Variants in ARHGEF18 observed in about 807,000 individuals in gnomAD.
The protein encoded by ARHGEF18 is Rho/Rac guanine nucleotide exchange factor 18.
ARHGEF18 carries 93 observed loss-of-function variants against 155.7 expected under a neutral mutation model. That is an observed-to-expected ratio of 0.60 (90% confidence interval 0.50 to 0.71). The LOEUF (loss-of-function observed/expected upper bound fraction) is 0.71. Ranked by LOEUF, ARHGEF18 falls within the 30% of genes least tolerant of loss-of-function variation. The pLI, the probability that ARHGEF18 is intolerant of heterozygous loss-of-function variation, is 0.00. For synonymous variants in ARHGEF18, 742 were observed against 753.1 expected (o/e 0.99, Z 0.24); for missense variants, 1,593 against 1,816.1 (o/e 0.88, Z 2.23).
intron 2 of ARHGEF18, among the ~76,000 whole-genome samples, chr19:7,366,664 C>T (rs1969899341): frequency 6.6e-6 from 1 of 152,228 alleles, no homozygotes; most frequent in South Asian, 2.1e-4. Flanking sequence ...CTCCAATTAG[C>T]TCCATGAGGA....
chr19:7,444,110 C>A lies in ARHGEF18; in HGVS notation c.1361-94C>A. 1 of 1,507,396 alleles carries A rather than the reference C, an allele frequency of 6.6e-7. No individual in the cohort carries two copies. Among genetic ancestry groups the A allele is most frequent in the Non-Finnish European group, 9.0e-7 (1 of 1,109,006 alleles). The allele number at this position is 1,507,396 out of a possible 1,614,324, so 93.4% of individuals were successfully genotyped here. ...GTCTTAGGCAGAGAACTCTCAGAAG[C>A]CAGTTCAGCACGTGAAGGGCAGGCA... On this transcript the variant is annotated intron_variant, in intron 13 of 28. Coordinates refer to ENST00000668164, the MANE Select transcript of ARHGEF18 (RefSeq NM_001367823.1). This position sits in a 1 kb window ranked among gnomAD's most constrained non-coding sequence, Gnocchi z 4.7.
In ARHGEF18 at chr19:7,441,932, A is replaced by G; in HGVS notation, c.1240A>G (p.Arg414Gly). Residue 414 changes from arginine to glycine, a missense_variant, in exon 13 of 29, where the codon AGG (arginine) becomes GGG (glycine). Physicochemically the swap from Arg to Gly is moderately radical, Grantham distance 125. Coordinates refer to ENST00000668164, the MANE Select transcript of ARHGEF18 (RefSeq NM_001367823.1). The stretch of plus-strand genomic sequence containing the variant: ...CTCAGATCCCTACACCGCCTCGCTG[A>G]GGAGTGAGATTGAGTCAGACGGCCA... ...FVEDPYTASLRSEIESDGHEF... is the reference protein window; with the variant it reads ...FVEDPYTASLGSEIESDGHEF... The G allele has an allele frequency of 6.2e-7, 1 of 1,614,062 alleles. No individual in the cohort carries two copies. Among genetic ancestry groups the G allele is most frequent in the Non-Finnish European group, 8.5e-7 (1 of 1,179,990 alleles).
In ARHGEF18 at chr19:7,451,160, C is replaced by G; in HGVS notation, c.1749C>G (p.Asn583Lys). ...TTTCTGTTTCCTAGAAAATTGGCAACTTCTCCATCGTGCGGCGGCTTGGCG... is the reference window on the plus strand; with the variant it reads ...TTTCTGTTTCCTAGAAAATTGGCAAGTTCTCCATCGTGCGGCGGCTTGGCG... ...KFQNLIKKIGNFSIVRRLGVQ... is the reference protein window; with the variant it reads ...KFQNLIKKIGKFSIVRRLGVQ... The change falls in exon 16 of 29, where the codon AAC becomes AAG. Residue 583 changes from asparagine to lysine, a missense_variant. Transcript: ENST00000668164. The G allele has an allele frequency of 1.4e-6, 2 of 1,478,666 alleles. No homozygotes were observed. Among genetic ancestry groups the G allele is most frequent in the Non-Finnish European group, 1.8e-6 (2 of 1,120,322 alleles). 91.6% of individuals were successfully genotyped at this position (1,478,666 alleles called of 1,614,324 possible).
At chr19:7,358,019 G>A (rs922037825) in intron 1 of ARHGEF18, among the ~76,000 whole-genome samples, 7 of 152,156 alleles carry the variant, frequency 4.6e-5, no homozygotes, top group Admixed American at 3.9e-4. Context: ...CATCTCCTGA[G>A]TGTAATGCAT....
chr19:7,439,594 G>A lies in ARHGEF18; in HGVS notation c.968-750G>A, dbSNP rs939286553. 12 of 842,020 alleles carry A rather than the reference G, an allele frequency of 1.4e-5. No homozygotes were observed. The Admixed American group carries it at 4.6e-4, about 32-fold the overall frequency. The allele number at this position is 842,020 out of a possible 1,614,324, so 52.2% of individuals were successfully genotyped here. On this transcript the variant is annotated intron_variant, in intron 10 of 28. Transcript: ENST00000668164. ...CGGTTTGCAGCCCCTGTTGATGTTG[G>A]GTTGGTTTATAATCACCATATGGAA...
downstream of ARHGEF18, chr19:7,473,336 T>C: frequency 2.2e-6 from 1 of 450,934 alleles, no homozygotes; most frequent in South Asian, 1.6e-5. Flanking sequence ...AGGCCACGTG[T>C]GGAATTTTTC....
intron 5 of ARHGEF18, 30 bp downstream of exon 5, chr19:7,376,787 A>C: frequency 8.2e-7 from 1 of 1,221,908 alleles, no homozygotes; most frequent in Non-Finnish European, 1.0e-6. Flanking sequence ...CCTTCATTCA[A>C]ACCAAGTCAG....
At chr19:7,380,814 C>G in intron 7 of ARHGEF18, 103 bp from the exon 8 acceptor site, 1 of 695,338 alleles carries the variant, frequency 1.4e-6, no homozygotes, top group Non-Finnish European at 2.0e-6. Context: ...CAGGTGGGCT[C>G]TTAGACGGGG....
At position 7,422,379 on chromosome 19, in the gene ARHGEF18, G is replaced by A. The variant is rs1296431219; in HGVS notation, c.968-17965G>A. Among the ~76,000 whole-genome samples, 3 of 143,266 alleles carry A rather than the reference G, an allele frequency of 2.1e-5. No individual in the cohort carries two copies. In the East Asian group the frequency reaches 6.2e-4, roughly 30 times the overall value. 94.0% of individuals were successfully genotyped at this position (143,266 alleles called of 152,430 possible). A position where few individuals can be genotyped will look rare whatever the true frequency, so the allele number is the denominator to read the frequency against. On this transcript the variant is annotated intron_variant, in intron 10 of 28. Transcript: ENST00000668164. ...GCCCCCCCGCCCCGCGCAGCCTTCT[G>A]TCCTGTAACCACCTTCCCCACAATA... is the stretch of plus-strand genomic sequence containing the variant.
intron 22 of ARHGEF18, 63 bp downstream of exon 22, chr19:7,464,018 G>C: frequency 6.7e-7 from 1 of 1,490,026 alleles, no homozygotes; most frequent in Non-Finnish European, 9.0e-7. Flanking sequence ...ACATTAACTT[G>C]TATGGGGTTT....
At chr19:7,378,011 T>C (rs1024406363) in intron 5 of ARHGEF18, among the ~76,000 whole-genome samples, 18 of 152,064 alleles carry the variant, frequency 1.2e-4, no homozygotes, top group Admixed American at 2.6e-4. Flanking sequence ...GAGACTTGCT[T>C]GAACCCAGGA....
Position 7,379,175 on chromosome 19 carries a change from G to A in ARHGEF18, c.644+9G>A. The A allele has an allele frequency of 8.1e-7, 1 of 1,232,526 alleles. No homozygotes were observed. Among genetic ancestry groups the A allele is most frequent in the Non-Finnish European group, 1.0e-6 (1 of 988,322 alleles). 76.3% of individuals were successfully genotyped at this position (1,232,526 alleles called of 1,614,324 possible). A position where few individuals can be genotyped will look rare whatever the true frequency, so the allele number is the denominator to read the frequency against. ...CTTCGACAGTACCATGGGTAAGTGG[G>A]AATCGGGACAGGCTTGAGGGGAGCA... On this transcript the variant is annotated intron_variant, in intron 7 of 28. Coordinates refer to ENST00000668164, the MANE Select transcript of ARHGEF18 (RefSeq NM_001367823.1).
chr19:7,400,991 G>T (rs2434445), intron 10 of ARHGEF18, among the ~76,000 whole-genome samples: 23,916 of 152,066 alleles, frequency 0.16, 3,963 homozygotes, highest in African/African-American at 0.42. Context: ...ACTCTGTGTA[G>T]GGATACCTCT....
At position 7,451,184 on chromosome 19, in the gene ARHGEF18, C is replaced by T. The variant is rs117706799; in HGVS notation, c.1773C>T (p.Gly591=). 0.028 allele frequency: 43,167 copies of T among 1,558,720 alleles called. 889 individuals are homozygous for T. The highest frequency in any genetic ancestry group is 0.081 in the South Asian group (7,225 of 89,590). ...ACTTCTCCATCGTGCGGCGGCTTGG[C>T]GTGCAGGAGTGCATTCTCCTGGTTA... ...IGNFSIVRRL[G]VQECILLVTQ... is the part of the protein sequence containing the mutation. Residue 591 remains glycine, a synonymous_variant, in exon 16 of 29, where the codon GGC becomes GGT. Coordinates refer to ENST00000668164, the MANE Select transcript of ARHGEF18 (RefSeq NM_001367823.1).
chr19:7,378,732 A>G lies in ARHGEF18; in HGVS notation c.599+281A>G, dbSNP rs867035691. 1.8e-4 allele frequency among the ~76,000 whole-genome samples: 22 copies of G among 119,994 alleles called. 1 individual carries two copies. In the Middle Eastern group the frequency reaches 0.025, roughly 136 times the overall value. The allele number at this position is 119,994 out of a possible 152,430, so 78.7% of individuals were successfully genotyped here. A position where few individuals can be genotyped will look rare whatever the true frequency, so the allele number is the denominator to read the frequency against. ...TTTTGAGATAGGGTCTCACTCTGTC[A>G]CCCAGGCTGGAGTACAGTGGCGTGA... On this transcript the variant is annotated intron_variant, in intron 6 of 28. Transcript: ENST00000668164.
the ARHGEF18 span, among the ~76,000 whole-genome samples, chr19:7,479,093 G>A: frequency 6.6e-6 from 1 of 152,200 alleles, no homozygotes. Context: ...GGTACCCAGG[G>A]TGCAGGATGC....
intron 18 of ARHGEF18, among the ~76,000 whole-genome samples, chr19:7,457,911 G>A (rs781669444): frequency 5.9e-5 from 9 of 152,048 alleles, no homozygotes; most frequent in Non-Finnish European, 1.0e-4. Flanking sequence ...ACTACATACC[G>A]TTGTATCTTT....
intron 18 of ARHGEF18, among the ~76,000 whole-genome samples, chr19:7,457,810 G>A (rs114623654): frequency 6.6e-6 from 1 of 152,228 alleles, no homozygotes; most frequent in Admixed American, 6.5e-5. Context: ...TGGAAGCATT[G>A]TCTCTTGAAG....
intron 2 of ARHGEF18, among the ~76,000 whole-genome samples, chr19:7,367,841 T>A (rs1216993630): frequency 1.5e-4 from 2 of 13,192 alleles, no homozygotes; most frequent in East Asian, 1.7e-3. Context: ...ATATATATAT[T>A]TTATATATAT....
Sources: gnomAD v4.1 joint callset for allele counts (sites outside exome capture counted in the v4.1 genomes callset) on GRCh38, gnomAD v4.1.1 for gene constraint, Gnocchi (gnomAD v3.1) non-coding constraint, MANE v1.5 for transcripts, NCBI Gene and HGNC (gene_info 2026-07-23, HGNC 2026-07-21) for gene names.